LOC128125817: variants seen among roughly 807,000 people sequenced by gnomAD.
At chr1:41,623,692 G>A in the LOC128125817 span, among the ~76,000 whole-genome samples, 1 of 152,172 alleles carries the variant, frequency 6.6e-6, no homozygotes, top group Non-Finnish European at 1.5e-5. Context: ...TAAGGCCAAT[G>A]TGCAATCCCA....
chr1:41,589,297 AC>A, the LOC128125817 span, among the ~76,000 whole-genome samples: 1 of 152,210 alleles, frequency 6.6e-6, no homozygotes, highest in African/African-American at 2.4e-5. Flanking sequence ...TCGCTCAGAG[AC>A]CAGCTTATAA....
chr1:41,593,311 CT>C, the LOC128125817 span, among the ~76,000 whole-genome samples: 1 of 152,040 alleles, frequency 6.6e-6, no homozygotes, highest in South Asian at 2.1e-4. Flanking sequence ...TGATCTGCGA[CT>C]TGTTTTTTTT....
chr1:41,627,499 C>A, the LOC128125817 span, among the ~76,000 whole-genome samples: 1 of 152,138 alleles, frequency 6.6e-6, no homozygotes, highest in Non-Finnish European at 1.5e-5. Context: ...CTCAGGAGAA[C>A]CCTGGTCTAG....
the LOC128125817 span, among the ~76,000 whole-genome samples, chr1:41,601,154 T>C: frequency 6.6e-6 from 1 of 152,310 alleles, no homozygotes; most frequent in East Asian, 1.9e-4. Context: ...TTGATTAGTG[T>C]AATTTTTTAT....
chr1:41,617,563 C>T, the LOC128125817 span, among the ~76,000 whole-genome samples: 3 of 152,226 alleles, frequency 2.0e-5, no homozygotes, highest in Non-Finnish European at 2.9e-5. Flanking sequence ...TCTTAAAGTG[C>T]GGCACCGCCT....
chr1:41,598,602 T>G, the LOC128125817 span, among the ~76,000 whole-genome samples: 6 of 152,176 alleles, frequency 3.9e-5, no homozygotes, highest in Non-Finnish European at 7.3e-5. Flanking sequence ...TGCAACTCAT[T>G]TCTTCATTTC....
the LOC128125817 span, among the ~76,000 whole-genome samples, chr1:41,621,553 C>T: frequency 6.6e-6 from 1 of 152,214 alleles, no homozygotes; most frequent in East Asian, 1.9e-4. Context: ...CTTGCTGTGT[C>T]CCTCAGGCTG....
chr1:41,593,519 C>G, the LOC128125817 span, among the ~76,000 whole-genome samples: 1 of 152,168 alleles, frequency 6.6e-6, no homozygotes, highest in Non-Finnish European at 1.5e-5. Context: ...ATATCACAGG[C>G]TAACCTCCTA....
At chr1:41,603,983 C>G in the LOC128125817 span, among the ~76,000 whole-genome samples, 1 of 152,200 alleles carries the variant, frequency 6.6e-6, no homozygotes, top group Admixed American at 6.5e-5. Context: ...TTAATTAAAT[C>G]TACAACACAT....
chr1:41,589,020 C>T, the LOC128125817 span, among the ~76,000 whole-genome samples: 12 of 152,304 alleles, frequency 7.9e-5, no homozygotes, highest in East Asian at 1.9e-4. Flanking sequence ...ACCGAAGGAC[C>T]GTTCTAATGA....
chr1:41,592,192 A>T, the LOC128125817 span, among the ~76,000 whole-genome samples: 1 of 152,280 alleles, frequency 6.6e-6, no homozygotes, highest in Non-Finnish European at 1.5e-5. Context: ...GCAAGGGCAG[A>T]TCAGGAGGCC....
chr1:41,589,076 T>C, the LOC128125817 span, among the ~76,000 whole-genome samples: 1 of 152,170 alleles, frequency 6.6e-6, no homozygotes, highest in East Asian at 1.9e-4. Context: ...CTACCTTCTG[T>C]GGTTCTGAGG....
the LOC128125817 span, among the ~76,000 whole-genome samples, chr1:41,590,932 C>A: frequency 2.0e-5 from 3 of 152,138 alleles, no homozygotes; most frequent in African/African-American, 7.2e-5. Flanking sequence ...TGATGGTCCC[C>A]TAATCTGGAC....
the LOC128125817 span, among the ~76,000 whole-genome samples, chr1:41,599,470 G>T: frequency 6.6e-6 from 1 of 152,248 alleles, no homozygotes; most frequent in Admixed American, 6.5e-5. Flanking sequence ...TAATAGAGTA[G>T]AAAGACAAAC....
chr1:41,587,510 C>G, the LOC128125817 span, among the ~76,000 whole-genome samples: 1 of 152,306 alleles, frequency 6.6e-6, no homozygotes, highest in South Asian at 2.1e-4. Flanking sequence ...AAAGACAGTC[C>G]CAGGCAAACC....
At chr1:41,625,396 C>T in the LOC128125817 span, among the ~76,000 whole-genome samples, 4 of 152,112 alleles carry the variant, frequency 2.6e-5, no homozygotes, top group South Asian at 2.1e-4. Flanking sequence ...ATTTAAAAAA[C>T]GGTGTGGCTA....
the LOC128125817 span, among the ~76,000 whole-genome samples, chr1:41,604,186 G>C: frequency 6.6e-6 from 1 of 152,152 alleles, no homozygotes; most frequent in Non-Finnish European, 1.5e-5. Flanking sequence ...ATATCCTATA[G>C]AAATGCCTAT....
chr1:41,618,978 A>G, the LOC128125817 span, among the ~76,000 whole-genome samples: 93,811 of 152,152 alleles, frequency 0.62, 29,417 homozygotes, highest in African/African-American at 0.74. Flanking sequence ...GATCTGTCAC[A>G]TCACTGCCTC....
the LOC128125817 span, among the ~76,000 whole-genome samples, chr1:41,605,375 G>GCGCA: frequency 2.4e-5 from 3 of 126,706 alleles, no homozygotes; most frequent in East Asian, 7.5e-4. Flanking sequence ...ACGCACACGC[G>GCGCA]CACACACACA....
Sources: allele counts gnomAD v4.1 joint callset (sites outside exome capture counted in the v4.1 genomes callset), GRCh38; gene constraint gnomAD v4.1.1; transcripts MANE v1.5.